The following RTL9 variants were observed in gnomAD, a reference collection of about 807,000 sequenced individuals.
The protein encoded by RTL9 is retrotransposon Gag-like protein 9.
Under a neutral mutation model 44.7 loss-of-function variants are expected in RTL9, and 19 were observed. The ratio of observed to expected loss-of-function variants is 0.42; its 90% CI spans 0.30 to 0.62. RTL9 has a LOEUF of 0.62. Ranked by LOEUF, RTL9 falls within the 20% of genes least tolerant of loss-of-function variation. RTL9 has a pLI of 0.16. For synonymous variants in RTL9, 407 were observed against 398.9 expected, an observed-to-expected ratio of 1.02 and a Z score of -0.24; for missense variants, 1,105 against 1,080.6, an observed-to-expected ratio of 1.02 and a Z score of -0.32.
chrX:110,406,462 T>A (rs945959538), intron 1 of RTL9, among the ~76,000 whole-genome samples: 2 of 112,268 alleles, frequency 1.8e-5, no homozygotes, highest in Non-Finnish European at 3.8e-5. Context: ...CTGCATAATA[T>A]TCCATGGTGT....
intron 1 of RTL9, among the ~76,000 whole-genome samples, chrX:110,392,809 A>G (rs762527762): frequency 8.9e-6 from 1 of 112,241 alleles, no homozygotes; most frequent in Non-Finnish European, 1.9e-5. Context: ...CCTGAAAAAT[A>G]TACTTTTCTT....
At chrX:110,412,067 C>T (rs1462752607) in intron 1 of RTL9, among the ~76,000 whole-genome samples, 1 of 112,705 alleles carries the variant, frequency 8.9e-6, no homozygotes, top group African/African-American at 3.2e-5. Context: ...AAAAGGAACA[C>T]CAATCAGTAA....
chrX:110,397,782 T>C (rs1332632138), intron 1 of RTL9, among the ~76,000 whole-genome samples: 2 of 111,818 alleles, frequency 1.8e-5, no homozygotes, highest in African/African-American at 6.5e-5. Flanking sequence ...AGAGCAGAGA[T>C]GTGAAAAGGA....
upstream of RTL9, among the ~76,000 whole-genome samples, chrX:110,414,962 A>G (rs1213371285): frequency 9.1e-6 from 1 of 110,205 alleles, no homozygotes; most frequent in Non-Finnish European, 1.9e-5. Flanking sequence ...AGAAGAAAGC[A>G]TATATATATA....
At chrX:110,364,467 G>T (rs907254376) in intron 1 of RTL9, among the ~76,000 whole-genome samples, 3 of 111,500 alleles carry the variant, frequency 2.7e-5, no homozygotes, top group Non-Finnish European at 5.6e-5. Flanking sequence ...ACTAAAGCAG[G>T]CTGCTCCCAC....
exon 1 of RTL9, chrX:110,450,874 C>G (rs2068935353): frequency 8.3e-7 from 1 of 1,210,171 alleles, no homozygotes; most frequent in Non-Finnish European, 1.1e-6. Flanking sequence ...AACTCTGGAG[C>G]ATTGTCCCCA....
intron 1 of RTL9, among the ~76,000 whole-genome samples, chrX:110,409,647 T>C (rs1162205107): frequency 2.4e-5 from 2 of 84,489 alleles, no homozygotes; most frequent in African/African-American, 8.9e-5. Flanking sequence ...GCTGCTGCTG[T>C]TTTTTTTTTT....
intron 1 of RTL9, among the ~76,000 whole-genome samples, chrX:110,362,205 G>C (rs1368897413): frequency 9.0e-6 from 1 of 111,444 alleles, no homozygotes; most frequent in African/African-American, 3.3e-5. Context: ...GCTTTGGATG[G>C]GTTTGCAGCA....
chrX:110,410,215 G>C (rs928693178), intron 1 of RTL9, among the ~76,000 whole-genome samples: 1 of 111,461 alleles, frequency 9.0e-6, no homozygotes, highest in African/African-American at 3.3e-5. Flanking sequence ...CCCTGTATTG[G>C]TGGTGGGACG....
intron 1 of RTL9, chrX:110,419,220 G>C (rs908728295): frequency 8.9e-6 from 1 of 111,991 alleles, no homozygotes; most frequent in Non-Finnish European, 1.9e-5. Flanking sequence ...CTCCCTCCTA[G>C]GGCTCTGTGT....
chrX:110,380,839 A>T (rs1010227834), intron 1 of RTL9, among the ~76,000 whole-genome samples: 1 of 112,538 alleles, frequency 8.9e-6, no homozygotes, highest in Non-Finnish European at 1.9e-5. Context: ...AAAATAAGCA[A>T]CAGGGACAGG....
intron 1 of RTL9, among the ~76,000 whole-genome samples, chrX:110,407,271 T>C (rs1162843060): frequency 8.9e-6 from 1 of 112,125 alleles, no homozygotes; most frequent in Non-Finnish European, 1.9e-5. Flanking sequence ...AATGGCTGGG[T>C]GAAGAGAGTC....
At chrX:110,409,684 C>T (rs771107958) in intron 1 of RTL9, among the ~76,000 whole-genome samples, 6 of 108,478 alleles carry the variant, frequency 5.5e-5, no homozygotes, top group African/African-American at 1.4e-4. Context: ...ATCAATAATA[C>T]GTGTACTCCT....
At chrX:110,367,983 A>ATTG (rs2148257755) in intron 1 of RTL9, among the ~76,000 whole-genome samples, 1 of 92,597 alleles carries the variant, frequency 1.1e-5, no homozygotes, top group East Asian at 3.2e-4. Context: ...AATTATTATT[A>ATTG]TTATTATTAT....
At chrX:110,363,691 G>A (rs2068278832) in intron 1 of RTL9, among the ~76,000 whole-genome samples, 1 of 111,310 alleles carries the variant, frequency 9.0e-6, no homozygotes. Context: ...CTTTCTGATA[G>A]GGTGATGCAT....
At chrX:110,450,233 C>T (rs1021915701), upstream of RTL9, among the ~76,000 whole-genome samples, 3 of 111,261 alleles carry the variant, frequency 2.7e-5, no homozygotes, top group Non-Finnish European at 5.7e-5. Context: ...GAATACAGGC[C>T]AGGAATCCGC....
intron 1 of RTL9, among the ~76,000 whole-genome samples, chrX:110,361,217 A>G (rs1338863519): frequency 9.0e-6 from 1 of 111,201 alleles, no homozygotes. Flanking sequence ...AAGACCTAGG[A>G]ATCAATCTTG....
intron 1 of RTL9, among the ~76,000 whole-genome samples, chrX:110,428,441 G>A (rs1249261309): frequency 8.9e-6 from 1 of 111,925 alleles, no homozygotes; most frequent in Admixed American, 9.4e-5. Context: ...TAGGTGCTCA[G>A]TAGCCATAAC....
chrX:110,361,491 T>C (rs1406643224), intron 1 of RTL9, among the ~76,000 whole-genome samples: 2 of 111,169 alleles, frequency 1.8e-5, no homozygotes, highest in African/African-American at 3.3e-5. Context: ...ATCATGTCAC[T>C]CCTCTGCTCA....
Sources: gnomAD v4.1 joint callset for allele counts (sites outside exome capture counted in the v4.1 genomes callset) on GRCh38, gnomAD v4.1.1 for gene constraint, MANE v1.5 for transcripts, NCBI Gene and HGNC (gene_info 2026-07-23, HGNC 2026-07-21) for gene names.